The following ANO2 variants were observed in gnomAD, a reference collection of about 807,000 sequenced individuals.
ANO2 encodes the protein anoctamin 2, also known as anoctamin-2.
Under a neutral mutation model 124.2 loss-of-function variants are expected in ANO2, and 101 were observed. The observed-to-expected ratio is 0.81, with a 90% CI of 0.69 to 0.96. ANO2 has a LOEUF of 0.96. Among genes scored for constraint, ANO2 ranks in the 40% least tolerant of loss-of-function variants. The pLI is 0.00. For synonymous variants in ANO2, 486 were observed against 482.5 expected (o/e 1.01, Z -0.09); for missense variants, 1,293 against 1,274.5 (o/e 1.01, Z -0.22).
At chr12:5,700,132 T>A (rs1949344911) in intron 14 of ANO2, among the ~76,000 whole-genome samples, 1 of 152,214 alleles carries the variant, frequency 6.6e-6, no homozygotes. Context: ...ATCAACAGAA[T>A]ATACATTCTT....
chr12:5,794,653 T>G (rs1459085152), intron 10 of ANO2, among the ~76,000 whole-genome samples: 1 of 152,146 alleles, frequency 6.6e-6, no homozygotes, highest in East Asian at 1.9e-4. Flanking sequence ...ATTATTATAG[T>G]CCTGAGAGCC....
intron 14 of ANO2, among the ~76,000 whole-genome samples, chr12:5,680,394 G>C: frequency 6.6e-6 from 1 of 152,138 alleles, no homozygotes. Context: ...AGGAAAGAGG[G>C]GCCAGACTAG....
intron 20 of ANO2, among the ~76,000 whole-genome samples, chr12:5,590,159 C>G (rs1231261884): frequency 1.3e-5 from 2 of 152,204 alleles, no homozygotes; most frequent in Non-Finnish European, 2.9e-5. Flanking sequence ...CGGCCCAGGA[C>G]AGCTTTGAAT....
At chr12:5,798,049 TA>T (rs1274694119) in intron 10 of ANO2, among the ~76,000 whole-genome samples, 4 of 152,138 alleles carry the variant, frequency 2.6e-5, no homozygotes, top group Non-Finnish European at 5.9e-5. Context: ...GGAGAATTTT[TA>T]TTTTTTAATC....
rs186179242 is a variant in ANO2 at position 5,827,301 on chromosome 12, A to G, written c.892+468T>C. Reference sequence around the variant, plus strand: ...AGAATGCTGAAGTTAGAAGAGGCTCACTCAGACTCAGCTATCACGTGCTGT... The same window carrying G: ...AGAATGCTGAAGTTAGAAGAGGCTCGCTCAGACTCAGCTATCACGTGCTGT... On this transcript the variant is annotated intron_variant, in intron 7 of 24. Coordinates refer to ENST00000682330, the MANE Select transcript of ANO2 (RefSeq NM_001364791.2). Among the ~76,000 whole-genome samples, 5 of 152,296 alleles carry G rather than the reference A, an allele frequency of 3.3e-5. No homozygotes were observed. In the East Asian group the frequency reaches 9.7e-4, roughly 29 times the overall value.
At chr12:5,758,518 C>T (rs890770107) in intron 10 of ANO2, among the ~76,000 whole-genome samples, 1 of 152,140 alleles carries the variant, frequency 6.6e-6, no homozygotes, top group African/African-American at 2.4e-5. Context: ...GCGGGAGGGG[C>T]ATGGAGAAAT....
intron 16 of ANO2, among the ~76,000 whole-genome samples, chr12:5,629,637 C>T (rs1009188809): frequency 6.6e-6 from 1 of 152,208 alleles, no homozygotes; most frequent in Non-Finnish European, 1.5e-5. Context: ...CTACAGCCAC[C>T]ACCTGTATCC....
rs1214872638 is a variant in ANO2, at chr12:5,750,872, A to C, written c.1154T>G (p.Leu385Arg). 1 of 1,612,972 alleles carries C rather than the reference A, an allele frequency of 6.2e-7. No homozygotes were observed. ...PSSVIGVIVF[L>R]YGCATIEEDI... ...TTCTTCAATTGTTGCACATCCATAA[A>C]GAAACACAATCACTCCAATTACAGA... is the stretch of plus-strand genomic sequence containing the variant. The change falls in exon 11 of 25, where the codon CTT becomes CGT. Residue 385 changes from leucine (L) to arginine (R), a missense_variant. Leu to Arg is a moderately radical substitution (Grantham distance 102). Transcript: ENST00000682330.
chr12:5,583,454 C>T (rs1367920450), intron 20 of ANO2, among the ~76,000 whole-genome samples: 1 of 151,686 alleles, frequency 6.6e-6, no homozygotes, highest in South Asian at 2.1e-4. Context: ...GAGATCGAGA[C>T]CATCTTGGCT....
intron 14 of ANO2, among the ~76,000 whole-genome samples, chr12:5,723,834 G>A (rs1950330917): frequency 6.6e-6 from 1 of 152,210 alleles, no homozygotes; most frequent in African/African-American, 2.4e-5. Context: ...TACCAAATAT[G>A]AGAAGGCCAA....
At chr12:5,834,451 G>C (rs1208062009) in intron 4 of ANO2, among the ~76,000 whole-genome samples, 1 of 152,166 alleles carries the variant, frequency 6.6e-6, no homozygotes, top group Non-Finnish European at 1.5e-5. Context: ...GTACTTTGAG[G>C]GTTCAAAGAA....
intron 6 of ANO2, 51 bp from the exon 7 acceptor site, chr12:5,827,871 C>T (rs1380501111): frequency 3.2e-6 from 5 of 1,573,208 alleles, no homozygotes; most frequent in Non-Finnish European, 3.5e-6. Flanking sequence ...CCCCCGCCCT[C>T]CACCGTGTGT....
Position 5,737,357 on chromosome 12 carries a change from T to C in ANO2, c.1434+1960A>G, listed in dbSNP as rs1043436203. Among the ~76,000 whole-genome samples the C allele has an allele frequency of 8.5e-5, 13 of 152,310 alleles. No homozygotes were observed. The East Asian group carries it at 9.7e-4, about 11-fold the overall frequency. ...CCTCCCAGGAAGTTACCATGGCTCA[T>C]TGGGTTAAACAGATAAACAGGAAAC... is the stretch of plus-strand genomic sequence containing the variant. On this transcript the variant is annotated intron_variant, in intron 13 of 24. Transcript: ENST00000682330.
At chr12:5,749,501 G>A (rs1179431183) in intron 11 of ANO2, among the ~76,000 whole-genome samples, 2 of 152,236 alleles carry the variant, frequency 1.3e-5, no homozygotes, top group Non-Finnish European at 2.9e-5. Flanking sequence ...GCTAGAAAGA[G>A]TCAGAGGCAG....
chr12:5,777,737 C>T (rs1023447140), intron 10 of ANO2, among the ~76,000 whole-genome samples: 1 of 152,200 alleles, frequency 6.6e-6, no homozygotes, highest in African/African-American at 2.4e-5. Flanking sequence ...GAGCTTGGAA[C>T]ATGCTAGGAA....
intron 10 of ANO2, among the ~76,000 whole-genome samples, chr12:5,772,227 T>A (rs773274566): frequency 1.3e-5 from 2 of 152,168 alleles, no homozygotes; most frequent in African/African-American, 2.4e-5. Flanking sequence ...ATAAACTGCA[T>A]ACAACTGATG....
chr12:5,830,629 C>A, intron 5 of ANO2, 140 bp from the exon 6 acceptor site: 1 of 521,242 alleles, frequency 1.9e-6, no homozygotes, highest in South Asian at 5.5e-5. Flanking sequence ...ATGTTTATGC[C>A]CTTCTTGACT....
At chr12:5,888,335 G>T (rs1053585758) in intron 3 of ANO2, among the ~76,000 whole-genome samples, 4 of 152,160 alleles carry the variant, frequency 2.6e-5, no homozygotes, top group African/African-American at 9.7e-5. Context: ...CCCAAAGAGT[G>T]AGCAGCAGCA....
intron 9 of ANO2, among the ~76,000 whole-genome samples, chr12:5,801,320 A>T (rs1027160619): frequency 1.3e-5 from 2 of 152,216 alleles, no homozygotes; most frequent in Non-Finnish European, 2.9e-5. Context: ...TCATCATTAG[A>T]CCTCATCTAG....
Sources: gnomAD v4.1 joint callset for allele counts (sites outside exome capture counted in the v4.1 genomes callset) on GRCh38, gnomAD v4.1.1 for gene constraint, MANE v1.5 for transcripts, NCBI Gene and HGNC (gene_info 2026-07-23, HGNC 2026-07-21) for gene names.